Variants in SLC4A4 observed in about 807,000 individuals in gnomAD.
SLC4A4 encodes the protein electrogenic sodium bicarbonate cotransporter 1.
In SLC4A4, 27 loss-of-function variants were observed where a neutral mutation model predicts 111.5. The observed-to-expected ratio is 0.24, with a 90% CI of 0.18 to 0.33. The LOEUF (loss-of-function observed/expected upper bound fraction) is 0.33, where lower values mean the gene tolerates loss of function less well. Among genes scored for constraint, SLC4A4 ranks in the 10% least tolerant of loss-of-function variants. The probability of loss-of-function intolerance (pLI) is 1.00; values close to 1 mark genes in which losing one functional copy is unlikely to be tolerated. For missense variants in SLC4A4, 909 were observed against 1,315.5 expected (o/e 0.69, Z 4.78); for synonymous variants, 443 against 463.4 (o/e 0.96, Z 0.57).
chr4:71,197,895 C>T (rs1046211772), intron 1 of SLC4A4, among the ~76,000 whole-genome samples: 5 of 152,156 alleles, frequency 3.3e-5, no homozygotes, highest in Non-Finnish European at 7.3e-5. Flanking sequence ...AAAAGGTGCT[C>T]ATGTGGCAGG....
chr4:71,274,324 G>T (rs1453538857), intron 3 of SLC4A4, among the ~76,000 whole-genome samples: 1 of 152,096 alleles, frequency 6.6e-6, no homozygotes, highest in African/African-American at 2.4e-5. Context: ...CTGTCTCAGG[G>T]GTGACAGAGG....
At chr4:71,265,259 C>G (rs186500016) in intron 3 of SLC4A4, among the ~76,000 whole-genome samples, 1 of 151,972 alleles carries the variant, frequency 6.6e-6, no homozygotes, top group African/African-American at 2.4e-5. Context: ...TGACTGAGTG[C>G]GAGTGGGGAA....
intron 3 of SLC4A4, among the ~76,000 whole-genome samples, chr4:71,266,590 A>AACCATTCCGAGAGG (rs1197235626): frequency 6.6e-6 from 1 of 152,140 alleles, no homozygotes; most frequent in East Asian, 1.9e-4. Context: ...CCCCGAGAGG[A>AACCATTCCGAGAGG]AATAAGCTAA....
intron 2 of SLC4A4, 122 bp downstream of exon 2, chr4:71,236,771 T>G: frequency 1.2e-6 from 1 of 821,290 alleles, no homozygotes; most frequent in South Asian, 1.5e-5. Flanking sequence ...TTCTATAGAG[T>G]TTCATCAATC....
intron 3 of SLC4A4, among the ~76,000 whole-genome samples, chr4:71,264,256 C>A (rs1722078043): frequency 6.6e-6 from 1 of 152,052 alleles, no homozygotes; most frequent in African/African-American, 2.4e-5. Context: ...TGCCAATTAG[C>A]AGAATTCTAT....
chr4:71,517,501 G>A (rs1246324373), intron 16 of SLC4A4, among the ~76,000 whole-genome samples: 1 of 151,882 alleles, frequency 6.6e-6, no homozygotes, highest in African/African-American at 2.4e-5. Context: ...TACATTTCTA[G>A]TTTTGGTCAT....
intron 6 of SLC4A4, among the ~76,000 whole-genome samples, chr4:71,363,890 C>T (rs1731021174): frequency 6.6e-6 from 1 of 152,202 alleles, no homozygotes; most frequent in African/African-American, 2.4e-5. Context: ...AATCCTCTTC[C>T]TTAATAACAG....
intron 6 of SLC4A4, among the ~76,000 whole-genome samples, chr4:71,371,639 T>C (rs1331527817): frequency 6.6e-6 from 1 of 152,134 alleles, no homozygotes; most frequent in East Asian, 1.9e-4. Flanking sequence ...TAAACACAGA[T>C]CTTTTCAAGT....
At chr4:71,476,758 A>G (rs1468247870) in intron 14 of SLC4A4, among the ~76,000 whole-genome samples, 1 of 151,582 alleles carries the variant, frequency 6.6e-6, no homozygotes, top group East Asian at 2.0e-4. Flanking sequence ...AGTCACATAC[A>G]TAGGTTTACT....
chr4:71,520,084 TA>T (rs1732788453), intron 16 of SLC4A4, among the ~76,000 whole-genome samples: 1 of 152,208 alleles, frequency 6.6e-6, no homozygotes, highest in African/African-American at 2.4e-5. Flanking sequence ...GTTTTATAAT[TA>T]AAACATATGC....
chr4:71,199,033 T>G lies in SLC4A4; in HGVS notation c.-2+11632T>G, dbSNP rs1180297940. 3.3e-5 allele frequency among the ~76,000 whole-genome samples: 5 copies of G among 152,290 alleles called. No homozygotes were observed. In the East Asian group the frequency reaches 9.6e-4, roughly 29 times the overall value. ...TAAATAGACCTAATCTTTTGGGTGG[T>G]TATTCTCTCTTTACTCAAGACTTTA... On this transcript the variant is annotated intron_variant, in intron 1 of 25. Transcript: ENST00000264485.
chr4:71,566,835 TGTCTTCATCACACTAGA>T (rs1303849486), intron 24 of SLC4A4, among the ~76,000 whole-genome samples, 152 bp from the exon 25 acceptor site: 2 of 151,962 alleles, frequency 1.3e-5, no homozygotes, highest in East Asian at 2.0e-4. Context: ...GAAGTGATTT[TGTCTTCATCACACTAGA>T]GTCTTAGCTT....
intron 3 of SLC4A4, among the ~76,000 whole-genome samples, chr4:71,325,100 A>G (rs1727406167): frequency 4.6e-5 from 7 of 151,948 alleles, no homozygotes; most frequent in Admixed American, 4.6e-4. Flanking sequence ...GAAAGAGAAA[A>G]AGTAACTGTC....
At chr4:71,529,830 G>A (rs1733758267) in intron 16 of SLC4A4, among the ~76,000 whole-genome samples, 1 of 152,100 alleles carries the variant, frequency 6.6e-6, no homozygotes, top group African/African-American at 2.4e-5. Flanking sequence ...TTTTCTAGGT[G>A]AGGATTGTAA....
At chr4:71,408,785 C>T (rs1180310543) in intron 7 of SLC4A4, among the ~76,000 whole-genome samples, 2 of 152,162 alleles carry the variant, frequency 1.3e-5, no homozygotes, top group African/African-American at 4.8e-5. Flanking sequence ...TTTTGAATTT[C>T]CAATACCATC....
chr4:71,251,887 T>A (rs568565229), intron 2 of SLC4A4, among the ~76,000 whole-genome samples: 57 of 152,258 alleles, frequency 3.7e-4, no homozygotes, highest in South Asian at 8.3e-4. Flanking sequence ...AGGTTAACTA[T>A]CCCTGATTCT....
chr4:71,226,554 T>C (rs1041659585), intron 1 of SLC4A4, among the ~76,000 whole-genome samples: 2 of 152,184 alleles, frequency 1.3e-5, no homozygotes, highest in South Asian at 2.1e-4. Context: ...GAGAAAATTA[T>C]ATAGTTAAAA....
At chr4:71,411,724 T>C (rs1721378868) in intron 7 of SLC4A4, among the ~76,000 whole-genome samples, 1 of 152,252 alleles carries the variant, frequency 6.6e-6, no homozygotes, top group African/African-American at 2.4e-5. Context: ...AAAGTTTGCC[T>C]GTCTGTGGTC....
At chr4:71,161,384 A>G (rs1190715764) in intron 2 of SLC4A4, among the ~76,000 whole-genome samples, 1 of 152,176 alleles carries the variant, frequency 6.6e-6, no homozygotes, top group Non-Finnish European at 1.5e-5. Context: ...TGAGGGGATG[A>G]TGTCAGTGAC....
Sources: allele counts gnomAD v4.1 joint callset (sites outside exome capture counted in the v4.1 genomes callset), GRCh38; gene constraint gnomAD v4.1.1; transcripts MANE v1.5; gene names NCBI Gene and HGNC (gene_info 2026-07-23, HGNC 2026-07-21).